Variants in CSGALNACT1 observed in about 807,000 individuals in gnomAD.
CSGALNACT1 encodes the protein chondroitin sulfate N-acetylgalactosaminyltransferase 1.
In CSGALNACT1, 52 loss-of-function variants were observed where a neutral mutation model predicts 51.0. The observed-to-expected ratio is 1.02, with a 90% CI of 0.82 to 1.29. The LOEUF (loss-of-function observed/expected upper bound fraction) is 1.29. Among genes scored for constraint, CSGALNACT1 ranks in the 50% most tolerant of loss-of-function variants. The pLI, the probability that CSGALNACT1 is intolerant of heterozygous loss-of-function variation, is 0.00. For synonymous variants in CSGALNACT1, 341 were observed against 254.4 expected (o/e 1.34, Z -3.24); for missense variants, 935 against 679.2 (o/e 1.38, Z -4.19).
chr8:19,611,526 G>C (rs188065947), intron 1 of CSGALNACT1, among the ~76,000 whole-genome samples: 2 of 152,214 alleles, frequency 1.3e-5, no homozygotes, highest in Non-Finnish European at 2.9e-5. Context: ...CTATGTTACA[G>C]ATAAGGACAC....
chr8:19,493,218 G>C (rs2074756226), intron 4 of CSGALNACT1, among the ~76,000 whole-genome samples: 1 of 152,148 alleles, frequency 6.6e-6, no homozygotes, highest in African/African-American at 2.4e-5. Context: ...CACAGCAACA[G>C]CTTCCACTCA....
chr8:19,591,766 A>T (rs1588798531), intron 2 of CSGALNACT1, among the ~76,000 whole-genome samples: 1 of 152,226 alleles, frequency 6.6e-6, no homozygotes, highest in Non-Finnish European at 1.5e-5. Flanking sequence ...CCACAAAAAA[A>T]AATGTAAATA....
intron 4 of CSGALNACT1, among the ~76,000 whole-genome samples, chr8:19,489,836 C>G (rs1331764789): frequency 6.6e-6 from 1 of 152,112 alleles, no homozygotes; most frequent in East Asian, 1.9e-4. Flanking sequence ...TGTTAGGAAC[C>G]TTTTGTTAGG....
Position 19,589,809 on chromosome 8 carries a change from G to C in CSGALNACT1, c.-297+1351C>G, listed in dbSNP as rs1429801623. Among the ~76,000 whole-genome samples, 16 of 152,272 alleles carry C rather than the reference G, an allele frequency of 1.1e-4. No individual in the cohort carries two copies. The East Asian group carries it at 2.5e-3, about 24-fold the overall frequency. ...GATTTACAGCATCCTTCTAATGCCT[G>C]AAGTGGATAATTACAAAATATGTTG... On this transcript the variant is annotated intron_variant, in intron 3 of 9. Transcript: ENST00000454498.
exon 4 of CSGALNACT1, chr8:19,505,430 A>T (rs771549696): frequency 1.2e-6 from 2 of 1,614,210 alleles, no homozygotes. Flanking sequence ...GCTTGACGCC[A>T]GCATTCACCT....
chr8:19,755,425 G>T (rs544430023), intron 1 of CSGALNACT1, among the ~76,000 whole-genome samples: 1 of 132,028 alleles, frequency 7.6e-6, no homozygotes, highest in South Asian at 2.4e-4. Context: ...GAAACATGCT[G>T]GAGTTGGGGA....
chr8:19,694,076 T>C lies in CSGALNACT1; in HGVS notation c.-297+63774A>G, dbSNP rs191325164. On this transcript the variant is annotated intron_variant, in intron 1 of 1. Transcript: ENST00000517494. ...GAATACTATATACATAATACTTATATTATTGAGTTTACATTATAAGAATTA... is the reference window on the plus strand; with the variant it reads ...GAATACTATATACATAATACTTATACTATTGAGTTTACATTATAAGAATTA... Among the ~76,000 whole-genome samples, 76 of 152,306 alleles carry C rather than the reference T, an allele frequency of 5.0e-4. 1 individual carries two copies. The highest frequency in any genetic ancestry group is 4.6e-3 in the Admixed American group (71 of 15,310).
intron 1 of CSGALNACT1, among the ~76,000 whole-genome samples, chr8:19,718,335 C>T (rs560182288): frequency 6.6e-6 from 1 of 152,270 alleles, no homozygotes; most frequent in African/African-American, 2.4e-5. Flanking sequence ...CTCCTGAACT[C>T]AAGTGATCCA....
chr8:19,454,202 T>C (rs2063677805), intron 5 of CSGALNACT1, among the ~76,000 whole-genome samples: 1 of 152,214 alleles, frequency 6.6e-6, no homozygotes, highest in Non-Finnish European at 1.5e-5. Flanking sequence ...CTCAAACACT[T>C]GCGACGTTTC....
chr8:19,609,302 T>C (rs2154151337), intron 1 of CSGALNACT1, among the ~76,000 whole-genome samples: 1 of 149,538 alleles, frequency 6.7e-6, no homozygotes, highest in African/African-American at 2.5e-5. Context: ...AGAATGTAAA[T>C]GGATATTGCC....
chr8:19,469,271 G>C (rs2067501838), intron 4 of CSGALNACT1, among the ~76,000 whole-genome samples: 1 of 152,120 alleles, frequency 6.6e-6, no homozygotes, highest in African/African-American at 2.4e-5. Context: ...TGCACCTGTA[G>C]TCCCAGCTAC....
At chr8:19,663,427 G>A (rs1458120871) in intron 1 of CSGALNACT1, among the ~76,000 whole-genome samples, 2 of 152,108 alleles carry the variant, frequency 1.3e-5, no homozygotes, top group African/African-American at 4.8e-5. Flanking sequence ...AATATATTCA[G>A]AGCAAATTTT....
chr8:19,474,924 G>C (rs568022989), intron 4 of CSGALNACT1, among the ~76,000 whole-genome samples: 1 of 140,000 alleles, frequency 7.1e-6, no homozygotes, highest in East Asian at 2.1e-4. Flanking sequence ...TTTGGTAACA[G>C]ACTAGAATAT....
At chr8:19,737,579 T>A (rs2064060143) in intron 1 of CSGALNACT1, among the ~76,000 whole-genome samples, 1 of 145,710 alleles carries the variant, frequency 6.9e-6, no homozygotes, top group Non-Finnish European at 1.5e-5. Flanking sequence ...TCCAAACCAG[T>A]AGAAGAAAAA....
intron 3 of CSGALNACT1, among the ~76,000 whole-genome samples, chr8:19,590,973 T>C (rs1022675467): frequency 6.6e-6 from 1 of 152,120 alleles, no homozygotes; most frequent in African/African-American, 2.4e-5. Flanking sequence ...TTTTTAGCCA[T>C]TAGGTATTTC....
intron 3 of CSGALNACT1, among the ~76,000 whole-genome samples, chr8:19,556,361 G>A (rs546269698): frequency 3.4e-5 from 5 of 146,680 alleles, no homozygotes; most frequent in Admixed American, 3.4e-4. Flanking sequence ...TAGGCAACAA[G>A]AGTGAAACTC....
At chr8:19,425,567 AG>A (rs1379715615) in intron 6 of CSGALNACT1, among the ~76,000 whole-genome samples, 1 of 152,160 alleles carries the variant, frequency 6.6e-6, no homozygotes, top group Non-Finnish European at 1.5e-5. Flanking sequence ...GGCTAATCAG[AG>A]CCTCACAAGA....
At chr8:19,404,247 G>T in exon 10 of CSGALNACT1, 1 of 433,916 alleles carries the variant, frequency 2.3e-6, no homozygotes, top group South Asian at 1.7e-5. Flanking sequence ...TAAACTACCA[G>T]TACAAATCAA....
At chr8:19,743,419 A>T (rs2064440358) in intron 1 of CSGALNACT1, among the ~76,000 whole-genome samples, 1 of 152,258 alleles carries the variant, frequency 6.6e-6, no homozygotes, top group Admixed American at 6.5e-5. Flanking sequence ...CATATTCATT[A>T]TGATGATCAT....
Sources: allele counts gnomAD v4.1 joint callset (sites outside exome capture counted in the v4.1 genomes callset), GRCh38; gene constraint gnomAD v4.1.1; transcripts MANE v1.5; gene names NCBI Gene and HGNC (gene_info 2026-07-23, HGNC 2026-07-21).